PTPN9: variants seen among roughly 807,000 people sequenced by gnomAD.
PTPN9 encodes the protein tyrosine-protein phosphatase non-receptor type 9.
Under a neutral mutation model 69.8 loss-of-function variants are expected in PTPN9, and 26 were observed. That is an observed-to-expected ratio of 0.37 (90% CI 0.27 to 0.52). The LOEUF is 0.52. Among genes scored for constraint, PTPN9 ranks in the 20% least tolerant of loss-of-function variants. The probability of loss-of-function intolerance (pLI) is 0.91; values close to 1 mark genes in which losing one functional copy is unlikely to be tolerated. For synonymous variants in PTPN9, 274 were observed against 272.5 expected (o/e 1.01, Z -0.05); for missense variants, 549 against 740.3 (o/e 0.74, Z 3.00).
At position 75,564,958 on chromosome 15, in the gene PTPN9, T is replaced by G. The variant is rs553563191; in HGVS notation, c.63+13756A>C. The stretch of plus-strand genomic sequence containing the variant: ...CTCTACTAAAAATACAAAAATTAGC[T>G]GGCGTGGTGGCACGTGCCTGTAATC... On this transcript the variant is annotated intron_variant, in intron 1 of 12. Transcript: ENST00000618819. Among the ~76,000 whole-genome samples, 11 of 150,908 alleles carry G rather than the reference T, an allele frequency of 7.3e-5. No individual in the cohort carries two copies. The East Asian group carries it at 2.2e-3, about 30-fold the overall frequency.
intron 7 of PTPN9, among the ~76,000 whole-genome samples, chr15:75,491,957 A>C (rs1053604200): frequency 3.9e-5 from 6 of 152,150 alleles, no homozygotes; most frequent in African/African-American, 1.4e-4. Context: ...CCCAGGCTGG[A>C]GTCCAGTGGC....
chr15:75,578,623 G>T, intron 1 of PTPN9, 91 bp downstream of exon 1: 1 of 1,066,156 alleles, frequency 9.4e-7, no homozygotes, highest in African/African-American at 1.7e-5. Context: ...GCGGCCCCGT[G>T]GCTGCAAAGA....
At chr15:75,473,991 G>C (rs867370849) in intron 9 of PTPN9, among the ~76,000 whole-genome samples, 1 of 152,106 alleles carries the variant, frequency 6.6e-6, no homozygotes, top group South Asian at 2.1e-4. Flanking sequence ...GAGATCCCCA[G>C]GTGAGTCGTA....
intron 2 of PTPN9, among the ~76,000 whole-genome samples, chr15:75,526,413 T>C (rs2074927755): frequency 6.6e-6 from 1 of 152,142 alleles, no homozygotes; most frequent in South Asian, 2.1e-4. Context: ...GTAACCAAAC[T>C]TCAGTTAAGC....
intron 2 of PTPN9, among the ~76,000 whole-genome samples, chr15:75,524,588 G>C (rs1595960775): frequency 6.6e-6 from 1 of 151,978 alleles, no homozygotes; most frequent in Admixed American, 6.6e-5. Context: ...GAGCAGCCTG[G>C]CCAACATGGT....
In PTPN9 at chr15:75,465,078, T is replaced by C. The variant is rs1303551975; in HGVS notation, c.*3691A>G. ...CCTGCTTTAGCTCAGTGTTTTCTTC[T>C]TTCCTGAACACTGTCTTTCTTTTTT... is the stretch of plus-strand genomic sequence containing the variant. On this transcript the variant is annotated 3_prime_UTR_variant, in exon 13 of 13. Transcript: ENST00000618819. The C allele has an allele frequency of 1.3e-5, 2 of 152,226 alleles. No homozygotes were observed. The highest frequency in any genetic ancestry group is 2.9e-5 in the Non-Finnish European group (2 of 68,052). The allele number at this position is 152,226 out of a possible 1,614,324, so 9.4% of individuals were successfully genotyped here. A position where few individuals can be genotyped will look rare whatever the true frequency, so the allele number is the denominator to read the frequency against.
At chr15:75,538,905 C>G (rs2074996541) in intron 1 of PTPN9, among the ~76,000 whole-genome samples, 1 of 152,052 alleles carries the variant, frequency 6.6e-6, no homozygotes, top group African/African-American at 2.4e-5. Context: ...TGTAATGCTT[C>G]ACACCTGTAA....
chr15:75,555,100 C>T (rs1230753582), intron 1 of PTPN9, among the ~76,000 whole-genome samples: 3 of 152,214 alleles, frequency 2.0e-5, no homozygotes, highest in African/African-American at 7.2e-5. Flanking sequence ...AGACTCTGCT[C>T]TTTCTTCAGA....
chr15:75,464,792 T>C lies in PTPN9; in HGVS notation c.*3977A>G, dbSNP rs2074530271. The C allele has an allele frequency of 6.6e-6, 1 of 152,226 alleles. No individual in the cohort carries two copies. The allele number at this position is 152,226 out of a possible 1,614,324, so 9.4% of individuals were successfully genotyped here. ...ATTTCCCTAGGGCTATGATGCTAAATAGTCCATTCTCCCAAGAACAAGTCC... is the reference window on the plus strand; with the variant it reads ...ATTTCCCTAGGGCTATGATGCTAAACAGTCCATTCTCCCAAGAACAAGTCC... On this transcript the variant is annotated 3_prime_UTR_variant, in exon 13 of 13. Transcript: ENST00000618819.
chr15:75,571,077 T>C (rs1038657732), intron 1 of PTPN9, among the ~76,000 whole-genome samples: 18 of 152,054 alleles, frequency 1.2e-4, no homozygotes, highest in African/African-American at 4.1e-4. Context: ...CTGGCCAACA[T>C]GGCGAAACCC....
At chr15:75,476,373 G>A (rs1408246993) in intron 9 of PTPN9, among the ~76,000 whole-genome samples, 1 of 152,106 alleles carries the variant, frequency 6.6e-6, no homozygotes, top group Non-Finnish European at 1.5e-5. Flanking sequence ...GGAGTGCAGT[G>A]GCGTGATCTC....
intron 7 of PTPN9, among the ~76,000 whole-genome samples, chr15:75,493,256 T>C (rs1175462901): frequency 6.6e-6 from 1 of 151,550 alleles, no homozygotes; most frequent in Non-Finnish European, 1.5e-5. Flanking sequence ...AAAAGTAACC[T>C]CTAAAAGGCT....
At chr15:75,572,119 G>A in intron 1 of PTPN9, among the ~76,000 whole-genome samples, 1 of 151,916 alleles carries the variant, frequency 6.6e-6, no homozygotes, top group Admixed American at 6.6e-5. Flanking sequence ...ATTACCTAAG[G>A]TCAAGAGTTC....
intron 1 of PTPN9, among the ~76,000 whole-genome samples, chr15:75,561,786 C>T (rs2075105073): frequency 6.6e-6 from 1 of 152,032 alleles, no homozygotes; most frequent in African/African-American, 2.4e-5. Flanking sequence ...CTCGGCTCAC[C>T]ACAATCTCTG....
chr15:75,500,715 ACT>A (rs1335573509), intron 7 of PTPN9, among the ~76,000 whole-genome samples: 4 of 151,262 alleles, frequency 2.6e-5, no homozygotes, highest in Non-Finnish European at 4.4e-5. Flanking sequence ...ACATAGGGAG[ACT>A]CTACAAAAAA....
chr15:75,577,640 T>C (rs8026416), intron 1 of PTPN9, among the ~76,000 whole-genome samples: 4 of 152,214 alleles, frequency 2.6e-5, no homozygotes, highest in Non-Finnish European at 4.4e-5. Context: ...TAGCCAATAA[T>C]AGTTTGTAAA....
intron 10 of PTPN9, among the ~76,000 whole-genome samples, chr15:75,473,410 C>T (rs533947039): frequency 5.3e-5 from 8 of 152,120 alleles, no homozygotes; most frequent in South Asian, 2.1e-4. Flanking sequence ...CCACAATGCC[C>T]GGCTAATTTT....
intron 8 of PTPN9, among the ~76,000 whole-genome samples, chr15:75,482,246 A>G (rs1189928599): frequency 6.6e-6 from 1 of 152,074 alleles, no homozygotes; most frequent in Non-Finnish European, 1.5e-5. Context: ...TGTTAAACAG[A>G]TGCTTGAAGG....
At chr15:75,488,607 G>GC (rs1268741657) in intron 8 of PTPN9, among the ~76,000 whole-genome samples, 7 of 151,510 alleles carry the variant, frequency 4.6e-5, no homozygotes, top group Non-Finnish European at 8.8e-5. Flanking sequence ...AGGCAACACA[G>GC]CGAGACCCTA....
Sources: gnomAD v4.1 joint callset for allele counts (sites outside exome capture counted in the v4.1 genomes callset) on GRCh38, gnomAD v4.1.1 for gene constraint, MANE v1.5 for transcripts, NCBI Gene and HGNC (gene_info 2026-07-23, HGNC 2026-07-21) for gene names.